The following AAK1 variants were observed in gnomAD, a reference collection of about 807,000 sequenced individuals.
The protein encoded by AAK1 is AP2-associated protein kinase 1.
AAK1 carries 37 observed loss-of-function variants against 116.0 expected under a neutral mutation model. That is an observed-to-expected ratio of 0.32 (90% CI 0.25 to 0.42). The LOEUF is 0.42. Among genes scored for constraint, AAK1 ranks in the 10% least tolerant of loss-of-function variants. The pLI, the probability that AAK1 is intolerant of heterozygous loss-of-function variation, is 1.00. For missense variants in AAK1, 919 were observed against 1,170.6 expected (o/e 0.79, Z 3.14); for synonymous variants, 458 against 439.9 (o/e 1.04, Z -0.51).
intron 11 of AAK1, among the ~76,000 whole-genome samples, 171 bp downstream of exon 11, chr2:69,520,663 G>A (rs935451768): frequency 2.0e-5 from 3 of 152,224 alleles, no homozygotes; most frequent in African/African-American, 2.4e-5. Flanking sequence ...CACCACGCCC[G>A]GCCACTGCCA....
chr2:69,509,273 A>T lies in AAK1; in HGVS notation c.1964T>A (p.Leu655Gln). The change falls in exon 14 of 22, where the codon CTG becomes CAG. Residue 655 changes from leucine (L) to glutamine (Q), a missense_variant. Leu to Gln is a moderately radical substitution (Grantham distance 113). This residue lies in a region of AAK1 where 125 missense variants were observed against 184.1 expected (regional missense o/e 0.68). Coordinates refer to ENST00000409085, the MANE Select transcript of AAK1 (RefSeq NM_014911.5). ...FGVPASKSTQ[L>Q]LQAAAAEASL... ...GGCCTCAGCTGCAGCTGCCTGGAGC[A>T]GCTGGGTTGATTTGCTGGCAGGGAC... is the stretch of plus-strand genomic sequence containing the variant. 1 of 1,614,026 alleles carries T rather than the reference A, an allele frequency of 6.2e-7. No individual in the cohort carries two copies. The highest frequency in any genetic ancestry group is 8.5e-7 in the Non-Finnish European group (1 of 1,179,884).
At chr2:69,629,428 C>T (rs1573024409) in intron 2 of AAK1, among the ~76,000 whole-genome samples, 1 of 152,336 alleles carries the variant, frequency 6.6e-6, no homozygotes, top group Middle Eastern at 3.4e-3. Context: ...TATATCTCTA[C>T]TTTTGAGATC....
At chr2:69,609,016 T>G (rs1280225956) in intron 2 of AAK1, among the ~76,000 whole-genome samples, 1 of 152,244 alleles carries the variant, frequency 6.6e-6, no homozygotes, top group Non-Finnish European at 1.5e-5. Context: ...ATTGGAAGAC[T>G]TGTTGTTAGG....
At chr2:69,540,121 C>CTT (rs538276702) in intron 5 of AAK1, among the ~76,000 whole-genome samples, 6,928 of 127,756 alleles carry the variant, frequency 0.054, 1,044 homozygotes, top group African/African-American at 0.2. Context: ...CCCCACTTGC[C>CTT]TTTTTTTTTT....
Position 69,466,348 on chromosome 2 carries a change from CA to C in AAK1, c.*9520del. 3 of 1,289,844 alleles carry C rather than the reference CA, an allele frequency of 2.3e-6. No homozygotes were observed. The highest frequency in any genetic ancestry group is 3.0e-6 in the Non-Finnish European group (3 of 988,882). The allele number at this position is 1,289,844 out of a possible 1,614,324, so 79.9% of individuals were successfully genotyped here. A position where few individuals can be genotyped will look rare whatever the true frequency, so the allele number is the denominator to read the frequency against. On this transcript the variant is annotated 3_prime_UTR_variant, in exon 22 of 22. Coordinates refer to ENST00000409085, the MANE Select transcript of AAK1 (RefSeq NM_014911.5). ...CAGTCCAGCATGTCTCCTTCAAGGT[CA>C]GTCCCTTCCTCTTCGCTGCTGTGGA...
intron 17 of AAK1, among the ~76,000 whole-genome samples, chr2:69,483,886 T>G (rs1376770045): frequency 6.6e-6 from 1 of 152,240 alleles, no homozygotes; most frequent in Non-Finnish European, 1.5e-5. Context: ...TTTGGATTCC[T>G]TCCAAAACAA....
At chr2:69,505,983 C>T (rs1676169301) in intron 15 of AAK1, among the ~76,000 whole-genome samples, 1 of 152,176 alleles carries the variant, frequency 6.6e-6, no homozygotes, top group Admixed American at 6.5e-5. Flanking sequence ...ACATTTAATG[C>T]CTCCCGCCCT....
chr2:69,595,003 T>G (rs1673203880), intron 2 of AAK1: 1 of 769,894 alleles, frequency 1.3e-6, no homozygotes, highest in African/African-American at 1.7e-5. Context: ...CTTTGTGGGG[T>G]TGGTGCTTGC....
chr2:69,614,630 C>T (rs1347081788), intron 2 of AAK1, among the ~76,000 whole-genome samples: 1 of 152,184 alleles, frequency 6.6e-6, no homozygotes, highest in Admixed American at 6.5e-5. Flanking sequence ...ATGGTTCCCC[C>T]AAAAGAAAGG....
chr2:69,604,453 C>G lies in AAK1; in HGVS notation c.163+38425G>C, dbSNP rs962258635. 2.6e-5 allele frequency among the ~76,000 whole-genome samples: 4 copies of G among 152,168 alleles called. No individual in the cohort carries two copies. The East Asian group carries it at 7.7e-4, about 29-fold the overall frequency. On this transcript the variant is annotated intron_variant, in intron 2 of 21. Transcript: ENST00000409085. ...CTTCTCCTCTCCAACTGTTTCTCTC[C>G]TCCTCTAGGGCACGACACCTCCAAA...
intron 2 of AAK1, among the ~76,000 whole-genome samples, chr2:69,562,757 G>T (rs944939917): frequency 6.6e-6 from 1 of 152,190 alleles, no homozygotes; most frequent in African/African-American, 2.4e-5. Flanking sequence ...AGGCGTGGTG[G>T]TGTGCGCCTG....
chr2:69,503,165 A>T (rs1322635714), intron 16 of AAK1, among the ~76,000 whole-genome samples: 2 of 152,234 alleles, frequency 1.3e-5, no homozygotes, highest in East Asian at 1.9e-4. Context: ...ACTTCTATTT[A>T]AAAATATCCA....
chr2:69,557,168 G>A (rs1173509499), intron 2 of AAK1, among the ~76,000 whole-genome samples, 190 bp from the exon 3 acceptor site: 1 of 152,140 alleles, frequency 6.6e-6, no homozygotes, highest in East Asian at 1.9e-4. Context: ...TTGTGGGAGT[G>A]GGTGGCAAGA....
At chr2:69,643,546 C>T in intron 1 of AAK1, 29 bp downstream of exon 1, 1 of 1,227,814 alleles carries the variant, frequency 8.1e-7, no homozygotes, top group Non-Finnish European at 1.0e-6. Flanking sequence ...CCCCGCCGCC[C>T]CTCGAGGCGG....
At chr2:69,511,449 A>T (rs1479119978) in intron 13 of AAK1, among the ~76,000 whole-genome samples, 1 of 152,224 alleles carries the variant, frequency 6.6e-6, no homozygotes, top group East Asian at 1.9e-4. Context: ...GCTGAAGGAG[A>T]GGCAGAGTGC....
chr2:69,473,977 TCA>T lies in AAK1; in HGVS notation c.*1890_*1891del, dbSNP rs1321022394. Reference sequence around the variant, plus strand: ...CCTCGGCAGGAAGCTTGTGCCTCTCTCAGTTTTGGAAATGGTCTGTTATTCAA... The same window carrying T: ...CCTCGGCAGGAAGCTTGTGCCTCTCTGTTTTGGAAATGGTCTGTTATTCAA... On this transcript the variant is annotated 3_prime_UTR_variant, in exon 22 of 22. Transcript: ENST00000409085. 17 of 985,712 alleles carry T rather than the reference TCA, an allele frequency of 1.7e-5. No homozygotes were observed. Among genetic ancestry groups the T allele is most frequent in the East Asian group, 1.1e-4 (1 of 8,820 alleles). The allele number at this position is 985,712 out of a possible 1,614,324, so 61.1% of individuals were successfully genotyped here. A position where few individuals can be genotyped will look rare whatever the true frequency, so the allele number is the denominator to read the frequency against.
intron 2 of AAK1, among the ~76,000 whole-genome samples, chr2:69,567,319 C>A (rs1399949305): frequency 6.6e-6 from 1 of 152,136 alleles, no homozygotes; most frequent in Non-Finnish European, 1.5e-5. Flanking sequence ...TGATTAAGTT[C>A]TTTGGTATAC....
intron 2 of AAK1, among the ~76,000 whole-genome samples, chr2:69,637,626 G>A (rs1178696052): frequency 6.6e-6 from 1 of 152,110 alleles, no homozygotes; most frequent in East Asian, 1.9e-4. Flanking sequence ...TCTTTCAGAT[G>A]CGGATGTCAC....
chr2:69,471,001 T>G lies in AAK1; in HGVS notation c.*4868A>C. 1.0e-6 allele frequency: 1 copy of G among 985,856 alleles called. No individual in the cohort carries two copies. The highest frequency in any genetic ancestry group is 1.2e-6 in the Non-Finnish European group (1 of 829,906). 61.1% of individuals were successfully genotyped at this position (985,856 alleles called of 1,614,324 possible). On this transcript the variant is annotated 3_prime_UTR_variant, in exon 22 of 22. Transcript: ENST00000409085. Reference sequence around the variant, plus strand: ...TTACAGACTTTTTTTTATACAATACTTGTGCAGCAATGTTCAAATTTCACG... The same window carrying G: ...TTACAGACTTTTTTTTATACAATACGTGTGCAGCAATGTTCAAATTTCACG...
Sources: allele counts gnomAD v4.1 joint callset (sites outside exome capture counted in the v4.1 genomes callset), GRCh38; gene constraint gnomAD v4.1.1; regional missense constraint gnomAD v4.1.1; transcripts MANE v1.5; gene names NCBI Gene and HGNC (gene_info 2026-07-23, HGNC 2026-07-21).